OR10D3: variants seen among roughly 807,000 people sequenced by gnomAD.
OR10D3 encodes the protein olfactory receptor family 10 subfamily D member 3.
For missense variants in OR10D3, 286 were observed against 153.7 expected, an observed-to-expected ratio of 1.86 and a Z score of -4.55; for synonymous variants, 100 against 57.6, an observed-to-expected ratio of 1.74 and a Z score of -3.33.
exon 2 of OR10D3, chr11:124,185,581 C>T: frequency 1.4e-6 from 1 of 703,498 alleles, no homozygotes; most frequent in South Asian, 1.5e-5. Context: ...TTTTCTTCTT[C>T]CATTTCCTCG....
At chr11:124,185,182 T>C (rs1358782643) in intron 1 of OR10D3, 77 bp from the exon 2 acceptor site, 1 of 607,736 alleles carries the variant, frequency 1.6e-6, no homozygotes, top group East Asian at 2.7e-5. Context: ...ACAAGTTTTA[T>C]TTCTCCAGTA....
At chr11:124,186,879 G>A (rs561986433) in exon 2 of OR10D3, 1 of 152,306 alleles carries the variant, frequency 6.6e-6, no homozygotes, top group East Asian at 1.9e-4. Flanking sequence ...CCAGCTATTA[G>A]TGTGGCAAGT....
chr11:124,185,728 C>T lies in OR10D3; in HGVS notation c.459C>T (p.Cys153=), dbSNP rs1432974262. The change falls in exon 2 of 2, where the codon TGC becomes TGT. Residue 153 remains cysteine, a synonymous_variant. Coordinates refer to ENST00000641351, the Ensembl canonical transcript of OR10D3. ...CTGTGGGCACATGGCTGTTAGGGTG[C>T]ATTCATTCCAGTATCTTGACCTCCC... is the stretch of plus-strand genomic sequence containing the variant. 4.3e-6 allele frequency: 3 copies of T among 703,484 alleles called. No individual in the cohort carries two copies. In the African/African-American group the frequency reaches 5.2e-5, roughly 12 times the overall value. 43.6% of individuals were successfully genotyped at this position (703,484 alleles called of 1,614,324 possible).
At chr11:124,185,816 G>C in exon 2 of OR10D3, 1 of 703,676 alleles carries the variant, frequency 1.4e-6, no homozygotes, top group Non-Finnish European at 2.6e-6. Flanking sequence ...TGACATTCCA[G>C]CACTGTTGCC....
At chr11:124,185,991 G>C (rs931313830) in exon 2 of OR10D3, 1 of 703,358 alleles carries the variant, frequency 1.4e-6, no homozygotes, top group East Asian at 2.7e-5. Context: ...TTCTCCACCT[G>C]CAGTGCTCAC....
exon 2 of OR10D3, chr11:124,185,864 A>G: frequency 2.8e-6 from 2 of 703,414 alleles, no homozygotes; most frequent in Non-Finnish European, 5.2e-6. Flanking sequence ...CCAGAGGGTG[A>G]GCTTCACCAA....
chr11:124,185,311 T>C (rs1311394980), exon 2 of OR10D3: 2 of 703,346 alleles, frequency 2.8e-6, no homozygotes, highest in South Asian at 3.0e-5. Flanking sequence ...AGTTCATCCT[T>C]TTGGGAATCC....
chr11:124,183,700 G>A (rs1861189502), intron 1 of OR10D3, among the ~76,000 whole-genome samples: 1 of 151,828 alleles, frequency 6.6e-6, no homozygotes, highest in Non-Finnish European at 1.5e-5. Context: ...TGAAATTATA[G>A]GGGCCCTCAC....
Position 124,185,598 on chromosome 11 carries a change from T to C in OR10D3, c.329T>C (p.Ile110Thr), listed in dbSNP as rs570743778. ...TTCTTCTTCCATTTCCTCGGGAGCATTGAGTGCTTCTTGTTTACGGTGATG... is the reference window on the plus strand; with the variant it reads ...TTCTTCTTCCATTTCCTCGGGAGCACTGAGTGCTTCTTGTTTACGGTGATG... Residue 110 changes from isoleucine to threonine, a missense_variant, in exon 2 of 2, where the codon ATT becomes ACT. Ile to Thr is a moderately conservative substitution (Grantham distance 89). Coordinates refer to ENST00000641351, the Ensembl canonical transcript of OR10D3. The C allele has an allele frequency of 4.3e-6, 3 of 703,584 alleles. No individual in the cohort carries two copies. In the East Asian group the frequency reaches 8.0e-5, roughly 19 times the overall value. 43.6% of individuals were successfully genotyped at this position (703,584 alleles called of 1,614,324 possible). A position where few individuals can be genotyped will look rare whatever the true frequency, so the allele number is the denominator to read the frequency against.
chr11:124,186,364 T>C (rs1861226219), exon 2 of OR10D3: 2 of 515,004 alleles, frequency 3.9e-6, no homozygotes, highest in African/African-American at 1.9e-5. Context: ...ATTATCTTTT[T>C]GCAATATTTT....
In OR10D3 at chr11:124,186,025, TG is replaced by T. The variant is rs1565302432; in HGVS notation, c.759del (p.Ile255SerfsTer22). 1.4e-6 allele frequency: 1 copy of T among 703,236 alleles called. No homozygotes were observed. Among genetic ancestry groups the T allele is most frequent in the East Asian group, 2.7e-5 (1 of 37,272 alleles). The allele number at this position is 703,236 out of a possible 1,614,324, so 43.6% of individuals were successfully genotyped here. ...ACCTCATTGCCATCCTCTGTGCCTA[TG>T]GGCCCATCATCACTGTCTACCTGCA... On this transcript the variant is annotated frameshift_variant, in exon 2 of 2. Coordinates refer to ENST00000641351, the Ensembl canonical transcript of OR10D3. LOFTEE classifies it low-confidence loss of function (END_TRUNC).
At chr11:124,186,479 G>T in exon 2 of OR10D3, 4 of 231,712 alleles carry the variant, frequency 1.7e-5, no homozygotes, top group East Asian at 8.5e-5. Flanking sequence ...TCCCTGGAAG[G>T]AAGATCTTTT....
chr11:124,185,448 A>T (rs892204561), exon 2 of OR10D3: 6 of 702,974 alleles, frequency 8.5e-6, no homozygotes, highest in Non-Finnish European at 1.3e-5. Context: ...ACACCTATGT[A>T]TTTCTTCCTG....
exon 2 of OR10D3, chr11:124,188,632 A>G (rs1247239876): frequency 6.6e-6 from 1 of 152,228 alleles, no homozygotes; most frequent in Non-Finnish European, 1.5e-5. Context: ...GGATTCATAG[A>G]GACATCTCAA....
chr11:124,186,573 A>G (rs1861229277), exon 2 of OR10D3: 1 of 160,352 alleles, frequency 6.2e-6, no homozygotes, highest in South Asian at 2.0e-4. Flanking sequence ...CCTATAGGGA[A>G]AGGCAATAAA....
intron 1 of OR10D3, 63 bp downstream of exon 1, chr11:124,183,446 CTCTCTTTCTCTCTCTTTCTCTT>C (rs1442008833): frequency 2.0e-5 from 3 of 147,070 alleles, no homozygotes; most frequent in African/African-American, 7.5e-5. Flanking sequence ...CTCTTTCTCT[CTCTCTTTCTCTCTCTTTCTCTT>C]TCTTTCTCTT....
chr11:124,185,628 A>G (rs1474486973), exon 2 of OR10D3: 4 of 703,452 alleles, frequency 5.7e-6, no homozygotes, highest in Non-Finnish European at 7.8e-6. Context: ...GTGATGGCCT[A>G]TGACCGCTTC....
exon 2 of OR10D3, chr11:124,188,591 T>C (rs933753763): frequency 1.3e-5 from 2 of 152,228 alleles, no homozygotes; most frequent in Non-Finnish European, 2.9e-5. Context: ...CCAGTATTGA[T>C]TTCATTTAGC....
At chr11:124,184,579 G>A (rs765714469) in intron 1 of OR10D3, among the ~76,000 whole-genome samples, 3 of 152,042 alleles carry the variant, frequency 2.0e-5, no homozygotes, top group Non-Finnish European at 4.4e-5. Context: ...CCAGACCCGG[G>A]GGAAAGACTG....
Sources: allele counts gnomAD v4.1 joint callset (sites outside exome capture counted in the v4.1 genomes callset), GRCh38; gene constraint gnomAD v4.1.1; transcripts MANE v1.5; gene names NCBI Gene and HGNC (gene_info 2026-07-23, HGNC 2026-07-21).